VCF1: variants seen among roughly 807,000 people sequenced by gnomAD.
VCF1 encodes the protein protein VCF1.
At chr17:73,222,048 A>C in the VCF1 span, among the ~76,000 whole-genome samples, 6 of 150,652 alleles carry the variant, frequency 4.0e-5, no homozygotes, top group African/African-American at 1.5e-4. Context: ...AAAAAAAAAA[A>C]AAAAAAAAAC....
chr17:73,219,877 A>AT, the VCF1 span, among the ~76,000 whole-genome samples: 1 of 150,332 alleles, frequency 6.7e-6, no homozygotes, highest in East Asian at 2.0e-4. Flanking sequence ...CAGGAGGCTG[A>AT]GGTGGGAGGA....
At chr17:73,220,123 G>A in the VCF1 span, among the ~76,000 whole-genome samples, 8 of 151,956 alleles carry the variant, frequency 5.3e-5, no homozygotes, top group African/African-American at 1.7e-4. Context: ...ACTCTAAGAC[G>A]GATTAAAGAT....
At chr17:73,209,719 A>ATGG in the VCF1 span, 1 of 1,412,768 alleles carries the variant, frequency 7.1e-7, no homozygotes, top group African/African-American at 1.4e-5. Context: ...CGGGCTATTG[A>ATGG]TGCTGCTGCT....
chr17:73,232,225 G>C, the VCF1 span: 3 of 1,611,598 alleles, frequency 1.9e-6, no homozygotes, highest in South Asian at 1.1e-5. Flanking sequence ...GCAGCCGCTC[G>C]GGTGGACGCA....
the VCF1 span, among the ~76,000 whole-genome samples, chr17:73,221,707 G>GAGGA: frequency 7.9e-5 from 12 of 152,116 alleles, no homozygotes; most frequent in Non-Finnish European, 1.5e-4. Flanking sequence ...TGGACAACAT[G>GAGGA]AGGAGACCCC....
the VCF1 span, among the ~76,000 whole-genome samples, chr17:73,224,972 C>T: frequency 1.0e-4 from 5 of 49,196 alleles, no homozygotes; most frequent in African/African-American, 2.1e-4. Flanking sequence ...CAGCACAGCA[C>T]AGCACAGCAC....
At chr17:73,228,496 T>C in the VCF1 span, among the ~76,000 whole-genome samples, 1 of 152,074 alleles carries the variant, frequency 6.6e-6, no homozygotes, top group East Asian at 1.9e-4. Context: ...TCTGAATAGG[T>C]CTAACTTTAA....
the VCF1 span, chr17:73,208,310 G>T: frequency 1.2e-6 from 2 of 1,613,276 alleles, no homozygotes; most frequent in Admixed American, 3.3e-5. Context: ...ACATCCAATG[G>T]CAGGTTGTCC....
the VCF1 span, among the ~76,000 whole-genome samples, chr17:73,216,707 G>C: frequency 2.0e-5 from 3 of 152,196 alleles, no homozygotes; most frequent in African/African-American, 7.2e-5. Context: ...AGAAGGGCTA[G>C]ATATAACTAA....
At chr17:73,211,370 A>T in the VCF1 span, among the ~76,000 whole-genome samples, 2 of 152,090 alleles carry the variant, frequency 1.3e-5, no homozygotes, top group African/African-American at 4.8e-5. Flanking sequence ...GAGTTTTGAG[A>T]CCAGCCTAGC....
chr17:73,231,457 AT>A, the VCF1 span, among the ~76,000 whole-genome samples: 4 of 152,302 alleles, frequency 2.6e-5, no homozygotes, highest in East Asian at 7.7e-4. Context: ...GTGCATCGCG[AT>A]AAAATCTTTC....
At chr17:73,224,768 T>C in the VCF1 span, among the ~76,000 whole-genome samples, 1 of 152,166 alleles carries the variant, frequency 6.6e-6, no homozygotes, top group Admixed American at 6.6e-5. Flanking sequence ...TCTGGCTCTC[T>C]CATCATTCAC....
the VCF1 span, among the ~76,000 whole-genome samples, chr17:73,231,670 T>G: frequency 3.9e-5 from 6 of 152,178 alleles, no homozygotes; most frequent in African/African-American, 1.4e-4. Context: ...TTTCTGACCT[T>G]GGGGAGCCGG....
At chr17:73,232,286 G>A in the VCF1 span, 4 of 1,597,852 alleles carry the variant, frequency 2.5e-6, no homozygotes, top group Admixed American at 1.7e-5. Context: ...TACTTCCGGC[G>A]TCTGCTCCGC....
the VCF1 span, chr17:73,208,941 G>T: frequency 3.8e-6 from 1 of 259,862 alleles, no homozygotes; most frequent in East Asian, 1.0e-4. Context: ...CTATTATTAG[G>T]GAGTGTGCTT....
chr17:73,222,406 A>G, the VCF1 span, among the ~76,000 whole-genome samples: 2 of 152,024 alleles, frequency 1.3e-5, no homozygotes, highest in Non-Finnish European at 1.5e-5. Flanking sequence ...AGCTAAGATC[A>G]TATCATGCCA....
At chr17:73,232,129 T>A in the VCF1 span, 11 of 1,609,936 alleles carry the variant, frequency 6.8e-6, no homozygotes, top group East Asian at 2.2e-4. Flanking sequence ...GGATGGAAGC[T>A]ACGCGGCGCC....
At chr17:73,229,320 G>T in the VCF1 span, 3 of 985,380 alleles carry the variant, frequency 3.0e-6, no homozygotes, top group Non-Finnish European at 3.6e-6. Context: ...TTAACAACTG[G>T]CAAGATTACA....
the VCF1 span, among the ~76,000 whole-genome samples, chr17:73,214,353 G>A: frequency 6.6e-6 from 1 of 150,652 alleles, no homozygotes; most frequent in Non-Finnish European, 1.5e-5. Context: ...TGCAACATAA[G>A]GATATTGTTC....
Sources: gnomAD v4.1 joint callset for allele counts (sites outside exome capture counted in the v4.1 genomes callset) on GRCh38, gnomAD v4.1.1 for gene constraint, MANE v1.5 for transcripts, NCBI Gene and HGNC (gene_info 2026-07-23, HGNC 2026-07-21) for gene names.